The following CDH12 variants were observed in gnomAD, a reference collection of about 807,000 sequenced individuals.
CDH12 encodes the protein cadherin 12.
Under a neutral mutation model 74.1 loss-of-function variants are expected in CDH12, and 41 were observed. The observed-to-expected ratio is 0.55, with a 90% CI of 0.43 to 0.72. The LOEUF is 0.72. Among genes scored for constraint, CDH12 ranks in the 30% least tolerant of loss-of-function variants. The pLI is 0.00. For synonymous variants in CDH12, 399 were observed against 355.0 expected (o/e 1.12, Z -1.39); for missense variants, 945 against 977.2 (o/e 0.97, Z 0.44).
chr5:22,715,732 C>A (rs1021654106), intron 1 of CDH12, among the ~76,000 whole-genome samples: 26 of 148,944 alleles, frequency 1.7e-4, no homozygotes, highest in African/African-American at 6.0e-4. Context: ...ACCCAGGAGG[C>A]AGAGGTTGTA....
At chr5:22,541,168 A>G (rs1738083073) in intron 1 of CDH12, among the ~76,000 whole-genome samples, 1 of 152,142 alleles carries the variant, frequency 6.6e-6, no homozygotes, top group East Asian at 1.9e-4. Context: ...GCCATCAAAG[A>G]TCCCACCTCC....
At chr5:22,298,645 A>C (rs1286678567) in intron 3 of CDH12, among the ~76,000 whole-genome samples, 1 of 152,124 alleles carries the variant, frequency 6.6e-6, no homozygotes, top group African/African-American at 2.4e-5. Flanking sequence ...GTAAGCATTC[A>C]CTATTCTCAT....
At chr5:22,030,306 T>C (rs1738727574) in intron 5 of CDH12, among the ~76,000 whole-genome samples, 1 of 152,128 alleles carries the variant, frequency 6.6e-6, no homozygotes, top group Non-Finnish European at 1.5e-5. Context: ...ATTTCTTGAA[T>C]GAGACTTGAA....
At chr5:22,357,970 TA>T (rs1383685361) in intron 3 of CDH12, among the ~76,000 whole-genome samples, 1 of 152,196 alleles carries the variant, frequency 6.6e-6, no homozygotes, top group African/African-American at 2.4e-5. Context: ...TATATCTCAT[TA>T]AAAATGAGTT....
intron 4 of CDH12, among the ~76,000 whole-genome samples, chr5:22,110,359 G>A (rs1744732999): frequency 6.6e-6 from 1 of 151,746 alleles, no homozygotes; most frequent in Non-Finnish European, 1.5e-5. Context: ...GACAGAAAAG[G>A]AAAAGTTTAA....
rs1390935817 is a variant in CDH12, at chr5:22,451,286, TTCTA to T, written c.-427-45939_-427-45936del. On this transcript the variant is annotated intron_variant, in intron 2 of 14. Transcript: ENST00000382254. Reference sequence around the variant, plus strand: ...GATTTAATAAAATTTAAATTTTAAGTTCTATCTAATTAAAACAAGCACATTAAAT... The same window carrying T: ...GATTTAATAAAATTTAAATTTTAAGTTCTAATTAAAACAAGCACATTAAAT... Among the ~76,000 whole-genome samples the T allele has an allele frequency of 4.6e-5, 7 of 151,982 alleles. No individual in the cohort carries two copies. The South Asian group carries it at 8.3e-4, about 18-fold the overall frequency.
intron 4 of CDH12, among the ~76,000 whole-genome samples, chr5:22,175,187 T>C (rs1264657159): frequency 6.6e-6 from 1 of 152,050 alleles, no homozygotes; most frequent in Admixed American, 6.6e-5. Context: ...TTCTTTTAGG[T>C]TTAATAGGGT....
chr5:22,596,327 G>A (rs542814516), intron 1 of CDH12, among the ~76,000 whole-genome samples: 4 of 151,692 alleles, frequency 2.6e-5, no homozygotes, highest in African/African-American at 7.3e-5. Flanking sequence ...TATAATCCCA[G>A]CTACTCTGGA....
intron 1 of CDH12, among the ~76,000 whole-genome samples, chr5:22,775,948 G>A (rs968825116): frequency 1.3e-5 from 2 of 152,036 alleles, no homozygotes; most frequent in African/African-American, 2.4e-5. Flanking sequence ...TTTATCAGGG[G>A]TTTCCACTTT....
intron 3 of CDH12, among the ~76,000 whole-genome samples, chr5:22,311,684 C>G (rs1055078072): frequency 9.5e-5 from 12 of 126,610 alleles, no homozygotes; most frequent in Non-Finnish European, 1.4e-4. Context: ...GTCTGGGTGA[C>G]AGAGAGAGAC....
Position 22,428,204 on chromosome 5 carries a change from TATACAC to T in CDH12, c.-427-22859_-427-22854del, listed in dbSNP as rs199703954. Among the ~76,000 whole-genome samples the T allele has an allele frequency of 0.01, 285 of 27,422 alleles. 6 individuals are homozygous for T. The East Asian group carries it at 0.11, about 10-fold the overall frequency. The allele number at this position is 27,422 out of a possible 152,430, so 18.0% of individuals were successfully genotyped here. On this transcript the variant is annotated intron_variant, in intron 2 of 14. Transcript: ENST00000382254. ...AGAAATACACACATATGTATATATA[TATACAC>T]ACACACACACACACACACACAATCT...
At chr5:22,296,259 CACATGA>C (rs1290113889) in intron 3 of CDH12, among the ~76,000 whole-genome samples, 9 of 151,916 alleles carry the variant, frequency 5.9e-5, no homozygotes, top group Non-Finnish European at 1.3e-4. Flanking sequence ...GACTACAGGG[CACATGA>C]ACTAATTTGC....
chr5:22,089,868 TA>T (rs1486751241), intron 4 of CDH12, among the ~76,000 whole-genome samples: 1 of 151,942 alleles, frequency 6.6e-6, no homozygotes, highest in Non-Finnish European at 1.5e-5. Flanking sequence ...AAAATGAGAT[TA>T]ATTAAAACTA....
intron 8 of CDH12, among the ~76,000 whole-genome samples, chr5:21,833,745 A>C (rs1342478908): frequency 6.6e-6 from 1 of 150,750 alleles, no homozygotes; most frequent in African/African-American, 2.4e-5. Flanking sequence ...AATCTACCAC[A>C]AAACTTATCT....
intron 1 of CDH12, among the ~76,000 whole-genome samples, chr5:22,574,493 T>C (rs567896338): frequency 6.6e-6 from 1 of 152,206 alleles, no homozygotes; most frequent in Non-Finnish European, 1.5e-5. Context: ...GTAGATTTTA[T>C]GGAATCAGCA....
intron 1 of CDH12, among the ~76,000 whole-genome samples, chr5:22,651,381 C>T (rs1180327848): frequency 2.0e-5 from 3 of 152,074 alleles, no homozygotes; most frequent in African/African-American, 7.2e-5. Flanking sequence ...ACTCACAGTT[C>T]AGCATGGCTG....
chr5:22,408,370 TC>T (rs138185214), intron 2 of CDH12, among the ~76,000 whole-genome samples: 5,459 of 151,908 alleles, frequency 0.036, 115 homozygotes, highest in African/African-American at 0.054. Flanking sequence ...TCGGTCTCTG[TC>T]CTTTTTTTCA....
chr5:21,795,466 T>C (rs562281491), intron 10 of CDH12, among the ~76,000 whole-genome samples: 1 of 151,986 alleles, frequency 6.6e-6, no homozygotes, highest in African/African-American at 2.4e-5. Context: ...TTATTAACTA[T>C]CCACTTGCGC....
chr5:22,761,993 G>T (rs1165052590), intron 1 of CDH12, among the ~76,000 whole-genome samples: 1 of 151,616 alleles, frequency 6.6e-6, no homozygotes, highest in African/African-American at 2.4e-5. Context: ...GGTGCCAATG[G>T]TATAAAGAAA....
Sources: gnomAD v4.1 joint callset for allele counts (sites outside exome capture counted in the v4.1 genomes callset) on GRCh38, gnomAD v4.1.1 for gene constraint, MANE v1.5 for transcripts, NCBI Gene and HGNC (gene_info 2026-07-23, HGNC 2026-07-21) for gene names.